Variants in SH3BGRL2 observed in about 807,000 individuals in gnomAD.
SH3BGRL2 encodes SH3 domain binding glutamate rich protein like 2.
SH3BGRL2 carries 21 observed loss-of-function variants against 14.8 expected under a neutral mutation model. That is an observed-to-expected ratio of 1.42 (90% CI 1.01 to 2.05). The LOEUF is 2.05. Ranked by LOEUF, SH3BGRL2 falls within the 30% of genes most tolerant of loss-of-function variation. The pLI is 0.00. For synonymous variants in SH3BGRL2, 50 were observed against 47.8 expected (o/e 1.05, Z -0.19); for missense variants, 147 against 130.8 (o/e 1.12, Z -0.61).
the SH3BGRL2 span, among the ~76,000 whole-genome samples, chr6:79,570,148 T>G: frequency 1.3e-5 from 2 of 152,174 alleles, no homozygotes; most frequent in East Asian, 3.9e-4. Flanking sequence ...GAACATATGG[T>G]AGTTACAAGG....
the SH3BGRL2 span, among the ~76,000 whole-genome samples, chr6:79,593,460 C>T: frequency 2.0e-5 from 3 of 152,044 alleles, no homozygotes; most frequent in Admixed American, 6.6e-5. Flanking sequence ...ACAGAGGCAG[C>T]GTTGAGGAAA....
chr6:79,551,534 C>G, the SH3BGRL2 span, among the ~76,000 whole-genome samples: 76,020 of 151,958 alleles, frequency 0.5, 20,188 homozygotes, highest in East Asian at 0.79. Flanking sequence ...CAGCCTGCAA[C>G]GTGGCCCTCC....
chr6:79,589,451 G>A, the SH3BGRL2 span, among the ~76,000 whole-genome samples: 1 of 152,028 alleles, frequency 6.6e-6, no homozygotes, highest in African/African-American at 2.4e-5. Context: ...GTTTGATGAT[G>A]TGTGATAAAT....
chr6:79,597,963 T>G, the SH3BGRL2 span, among the ~76,000 whole-genome samples: 10 of 152,234 alleles, frequency 6.6e-5, no homozygotes, highest in African/African-American at 2.2e-4. Flanking sequence ...TGGGCATATT[T>G]CCAAAGAAGA....
chr6:79,661,443 G>A (rs978380161), intron 1 of SH3BGRL2, among the ~76,000 whole-genome samples: 1 of 152,208 alleles, frequency 6.6e-6, no homozygotes, highest in Non-Finnish European at 1.5e-5. Flanking sequence ...GTGCGGTTTT[G>A]AATGAGTTTC....
At chr6:79,568,755 G>C in the SH3BGRL2 span, among the ~76,000 whole-genome samples, 1 of 152,162 alleles carries the variant, frequency 6.6e-6, no homozygotes, top group East Asian at 1.9e-4. Flanking sequence ...TTAATTTTCT[G>C]TAGTAGGAAT....
At chr6:79,586,057 G>A in the SH3BGRL2 span, among the ~76,000 whole-genome samples, 7 of 151,952 alleles carry the variant, frequency 4.6e-5, no homozygotes, top group East Asian at 3.9e-4. Flanking sequence ...TTAGCCAGGC[G>A]TGGTGGCGCA....
the SH3BGRL2 span, among the ~76,000 whole-genome samples, chr6:79,576,797 C>A: frequency 6.6e-6 from 1 of 152,130 alleles, no homozygotes; most frequent in Admixed American, 6.5e-5. Context: ...TAAGGCATTC[C>A]CCACCCCAAA....
chr6:79,622,048 A>T, the SH3BGRL2 span, among the ~76,000 whole-genome samples: 159 of 152,250 alleles, frequency 1.0e-3, 1 homozygote, highest in Middle Eastern at 6.8e-3. Flanking sequence ...GGCTTTGAGG[A>T]CATTGTTAGA....
At chr6:79,537,795 A>C in the SH3BGRL2 span, among the ~76,000 whole-genome samples, 3 of 152,184 alleles carry the variant, frequency 2.0e-5, 1 homozygote, top group Non-Finnish European at 4.4e-5. Flanking sequence ...TTTGGGAAAT[A>C]ACTTGCTTTT....
Position 79,696,572 on chromosome 6 carries a change from A to G in SH3BGRL2, c.312+7A>G. 6.5e-7 allele frequency: 1 copy of G among 1,544,558 alleles called. No individual in the cohort carries two copies. Among genetic ancestry groups the G allele is most frequent in the Non-Finnish European group, 8.7e-7 (1 of 1,150,704 alleles). On this transcript the variant is annotated splice_region_variant and intron_variant, in intron 3 of 3. Coordinates refer to ENST00000369838, the MANE Select transcript of SH3BGRL2 (RefSeq NM_031469.4). ...ACCACGGTTGGCATCAAAGGTAGGT[A>G]AATCTTTTCTTATTCTTGTTTTAGA...
the SH3BGRL2 span, among the ~76,000 whole-genome samples, chr6:79,554,480 T>C: frequency 9.1e-4 from 139 of 152,310 alleles, no homozygotes; most frequent in African/African-American, 3.2e-3. Context: ...TGAAATTCAA[T>C]AGAGGATTTA....
chr6:79,548,521 C>G, the SH3BGRL2 span, among the ~76,000 whole-genome samples: 1 of 152,052 alleles, frequency 6.6e-6, no homozygotes, highest in Non-Finnish European at 1.5e-5. Context: ...ATGTTTTATC[C>G]TTCTAGTGTT....
At chr6:79,592,944 T>A in the SH3BGRL2 span, among the ~76,000 whole-genome samples, 3 of 152,160 alleles carry the variant, frequency 2.0e-5, no homozygotes, top group Non-Finnish European at 2.9e-5. Flanking sequence ...ATTGCATGGA[T>A]CACAAACTCA....
At chr6:79,678,758 A>G (rs1188732039) in intron 2 of SH3BGRL2, among the ~76,000 whole-genome samples, 1 of 152,118 alleles carries the variant, frequency 6.6e-6, no homozygotes, top group Middle Eastern at 3.2e-3. Context: ...TAGTTTTTTG[A>G]CGCATATCCC....
At position 79,678,678 on chromosome 6, in the gene SH3BGRL2, C is replaced by T. The variant is rs577528302; in HGVS notation, c.231+4879C>T. Among the ~76,000 whole-genome samples, 350 of 152,152 alleles carry T rather than the reference C, an allele frequency of 2.3e-3. 1 individual carries two copies. The highest frequency in any genetic ancestry group is 8.1e-3 in the African/African-American group (338 of 41,514). ...TTTTATATTTCTTTTATTTTAGATA[C>T]AGGGAGTACATGTGCAGGTGTATTA... On this transcript the variant is annotated intron_variant, in intron 2 of 3. Transcript: ENST00000369838.
chr6:79,618,441 C>A, the SH3BGRL2 span, among the ~76,000 whole-genome samples: 1 of 152,176 alleles, frequency 6.6e-6, no homozygotes, highest in South Asian at 2.1e-4. Flanking sequence ...GGCGCCGTGG[C>A]TCTTGCCTGT....
chr6:79,695,459 C>T (rs1770311767), intron 2 of SH3BGRL2, among the ~76,000 whole-genome samples: 1 of 152,168 alleles, frequency 6.6e-6, no homozygotes, highest in South Asian at 2.1e-4. Flanking sequence ...GTTGGCTTGG[C>T]TTAACAATGG....
At chr6:79,632,392 G>A (rs908809966) in intron 1 of SH3BGRL2, among the ~76,000 whole-genome samples, 7 of 152,048 alleles carry the variant, frequency 4.6e-5, no homozygotes, top group Non-Finnish European at 2.9e-5. Context: ...ATTGAGACTT[G>A]GTTTCCTTAA....
Sources: gnomAD v4.1 joint callset for allele counts (sites outside exome capture counted in the v4.1 genomes callset) on GRCh38, gnomAD v4.1.1 for gene constraint, MANE v1.5 for transcripts, NCBI Gene and HGNC (gene_info 2026-07-23, HGNC 2026-07-21) for gene names.